Variants in DNAH5 observed in about 807,000 individuals in gnomAD.
DNAH5 encodes axonemal beta dynein heavy chain 5.
In DNAH5, 372 loss-of-function variants were observed where a neutral mutation model predicts 518.2. The observed-to-expected ratio is 0.72, with a 90% CI of 0.66 to 0.78. The LOEUF (loss-of-function observed/expected upper bound fraction) is 0.78, where lower values mean the gene tolerates loss of function less well. Among genes scored for constraint, DNAH5 ranks in the 30% least tolerant of loss-of-function variants. The pLI, the probability that DNAH5 is intolerant of heterozygous loss-of-function variation, is 0.00. For missense variants in DNAH5, 5,523 were observed against 5,687.0 expected, an observed-to-expected ratio of 0.97 and a Z score of 0.93; for synonymous variants, 2,039 against 2,025.9, an observed-to-expected ratio of 1.01 and a Z score of -0.17.
intron 33 of DNAH5, 32 bp from the exon 34 acceptor site, chr5:13,841,162 GTATGGCATATT>G: frequency 3.3e-6 from 5 of 1,511,590 alleles, no homozygotes; most frequent in Non-Finnish European, 4.6e-6. Context: ...TCATGAATTT[GTATGGCATATT>G]TATGTATTTA....
intron 1 of DNAH5, among the ~76,000 whole-genome samples, chr5:13,983,140 C>A (rs781238965): frequency 3.9e-5 from 6 of 152,218 alleles, no homozygotes; most frequent in Non-Finnish European, 7.3e-5. Flanking sequence ...CTGATGCAAT[C>A]CCAAGACCAG....
chr5:13,857,050 T>C (rs1767736616), intron 30 of DNAH5, among the ~76,000 whole-genome samples: 1 of 152,160 alleles, frequency 6.6e-6, no homozygotes, highest in African/African-American at 2.4e-5. Context: ...GGTATTCAAA[T>C]AGGAAAAGAG....
At chr5:13,916,309 G>T (rs1252151406) in intron 9 of DNAH5, 39 bp downstream of exon 9, 2 of 1,164,852 alleles carry the variant, frequency 1.7e-6, no homozygotes, top group East Asian at 2.4e-5. Context: ...CACTGGCAAA[G>T]AAATACAAAT....
rs1467903713 is a variant in DNAH5, at chr5:13,836,862, A to G, written c.5882+2494T>C. Among the ~76,000 whole-genome samples the G allele has an allele frequency of 3.9e-5, 6 of 152,226 alleles. No homozygotes were observed. The East Asian group carries it at 1.2e-3, about 29-fold the overall frequency. ...AGAGATAGGTAGAAGAGTGGGTCAG[A>G]GACACAAGACAGAAGAAGGAGGGGA... is the stretch of plus-strand genomic sequence containing the variant. On this transcript the variant is annotated intron_variant, in intron 35 of 78. Transcript: ENST00000265104.
intron 65 of DNAH5, among the ~76,000 whole-genome samples, chr5:13,737,710 A>C (rs1747742734): frequency 6.6e-6 from 1 of 152,038 alleles, no homozygotes; most frequent in Admixed American, 6.6e-5. Context: ...GGATCATTTG[A>C]AGTCGAAAGT....
chr5:13,722,438 C>CA (rs1215733522), intron 70 of DNAH5, among the ~76,000 whole-genome samples: 2 of 152,224 alleles, frequency 1.3e-5, no homozygotes, highest in Admixed American at 6.5e-5. Flanking sequence ...TTGTGGGTTA[C>CA]AATGAGAGAG....
chr5:13,987,956 C>CTCTATGAACATAGAGTCAA (rs1783178523), intron 1 of DNAH5, among the ~76,000 whole-genome samples: 1 of 151,754 alleles, frequency 6.6e-6, no homozygotes, highest in South Asian at 2.1e-4. Flanking sequence ...AAAAACTAGA[C>CTCTATGAACATAGAGTCAA]AAACCTGTCA....
rs186976169 is a variant in DNAH5 at position 13,757,797 on chromosome 5, T to C, written c.10419+1049A>G. ...AGCTTCCAAAAGCATTTACTTTGCT[T>C]GTGGAAGACTTATCTTTAAGACATT... is the stretch of plus-strand genomic sequence containing the variant. On this transcript the variant is annotated intron_variant, in intron 61 of 78. Transcript: ENST00000265104. 3.3e-4 allele frequency among the ~76,000 whole-genome samples: 50 copies of C among 152,168 alleles called. 1 individual carries two copies. Among genetic ancestry groups the C allele is most frequent in the Admixed American group, 2.0e-3 (31 of 15,284 alleles).
In DNAH5 at chr5:13,909,690, G is replaced by T. The variant is rs186735768; in HGVS notation, c.1644+1696C>A. Among the ~76,000 whole-genome samples the T allele has an allele frequency of 1.4e-3, 212 of 152,166 alleles. 1 individual carries two copies. The highest frequency in any genetic ancestry group is 4.8e-3 in the African/African-American group (198 of 41,516). On this transcript the variant is annotated intron_variant, in intron 12 of 78. Coordinates refer to ENST00000265104, the MANE Select transcript of DNAH5 (RefSeq NM_001369.3). The stretch of plus-strand genomic sequence containing the variant: ...TCAGAGTAGTATTCTTTCCTAAGTA[G>T]CCATTTTAACTCCATTTGCCCTTTT...
chr5:13,754,827 C>T (rs1239383289), intron 61 of DNAH5, among the ~76,000 whole-genome samples: 1 of 151,994 alleles, frequency 6.6e-6, no homozygotes, highest in East Asian at 1.9e-4. Context: ...TATGAGCCAC[C>T]GCACCTGACC....
At chr5:13,978,518 A>C (rs1782441453) in intron 1 of DNAH5, among the ~76,000 whole-genome samples, 1 of 152,208 alleles carries the variant, frequency 6.6e-6, no homozygotes, top group Admixed American at 6.5e-5. Flanking sequence ...GTGTGTATAT[A>C]TACAGTCACA....
rs371030180 is a variant in DNAH5 at position 13,716,489 on chromosome 5, G to C, written c.12907C>G (p.Gln4303Glu). ...STVDNYLQYI[Q>E]SLPAYDSPEV... ...ATAAAATTCTGAAGTTGACAAACCTGGATATACTGAAGATAGTTATCCACT... is the reference window on the plus strand; with the variant it reads ...ATAAAATTCTGAAGTTGACAAACCTCGATATACTGAAGATAGTTATCCACT... Residue 4303 changes from glutamine to glutamate, a missense_variant and splice_region_variant, in exon 74 of 79, where the codon CAG becomes GAG. Gln to Glu is a conservative substitution (Grantham distance 29). Transcript: ENST00000265104. 29 of 1,612,084 alleles carry C rather than the reference G, an allele frequency of 1.8e-5. No individual in the cohort carries two copies. The highest frequency in any genetic ancestry group is 2.5e-5 in the Non-Finnish European group (29 of 1,178,504).
intron 3 of DNAH5, among the ~76,000 whole-genome samples, chr5:13,927,504 T>C (rs1015057779): frequency 8.5e-5 from 13 of 152,072 alleles, no homozygotes; most frequent in African/African-American, 3.1e-4. Context: ...CGAGACTCTG[T>C]CTCAAAAAAT....
chr5:13,919,317 C>G lies in DNAH5; in HGVS notation c.834G>C (p.Ala278=). Residue 278 remains alanine (A), a synonymous_variant, in exon 7 of 79, where the codon GCG becomes GCC. Coordinates refer to ENST00000265104, the MANE Select transcript of DNAH5 (RefSeq NM_001369.3). ...GCTCCGCTCGTGGCCCAACGTCATC[C>G]GCTTCCTTCAGCAGCTGATTGTTTT... is the stretch of plus-strand genomic sequence containing the variant. The part of the protein sequence containing the change: ...LAENNQLLKE[A]DDVGPRAELE... 1 of 1,614,106 alleles carries G rather than the reference C, an allele frequency of 6.2e-7. No individual in the cohort carries two copies.
chr5:13,758,749 A>T (rs1751357629), intron 61 of DNAH5, 97 bp downstream of exon 61: 1 of 1,540,662 alleles, frequency 6.5e-7, no homozygotes, highest in Non-Finnish European at 8.9e-7. Context: ...TGTATGTATT[A>T]TGTATAAATT....
rs531965194 is a variant in DNAH5, at chr5:13,988,214, G to A, written c.12+23434C>T. Among the ~76,000 whole-genome samples the A allele has an allele frequency of 9.1e-4, 138 of 152,280 alleles. No individual in the cohort carries two copies. In the Middle Eastern group the frequency reaches 0.02, roughly 23 times the overall value. On this transcript the variant is annotated intron_variant, in intron 1 of 78. Transcript: ENST00000681290. ...TAGTATCATAGATAAAATAAAAGTG[G>A]AATGAATGTAAATCGTAGAGAGTTG...
chr5:13,823,957 CAT>C (rs1306365209), intron 39 of DNAH5, among the ~76,000 whole-genome samples: 4 of 152,258 alleles, frequency 2.6e-5, no homozygotes, highest in Admixed American at 1.3e-4. Flanking sequence ...GGCATCTTAA[CAT>C]GTGTATTTTT....
chr5:13,949,586 C>A (rs1780213315), upstream of DNAH5, among the ~76,000 whole-genome samples: 2 of 152,200 alleles, frequency 1.3e-5, no homozygotes, highest in Admixed American at 6.5e-5. Flanking sequence ...AGAGGAGAAA[C>A]TCCAGAGGAG....
intron 1 of DNAH5, among the ~76,000 whole-genome samples, chr5:13,951,680 C>T (rs339441): frequency 0.82 from 124,714 of 152,110 alleles, 52,523 homozygotes; most frequent in Non-Finnish European, 0.91. Flanking sequence ...CCAGCCTGCA[C>T]CCTCCTGTGC....
Sources: gnomAD v4.1 joint callset for allele counts (sites outside exome capture counted in the v4.1 genomes callset) on GRCh38, gnomAD v4.1.1 for gene constraint, MANE v1.5 for transcripts, NCBI Gene and HGNC (gene_info 2026-07-23, HGNC 2026-07-21) for gene names.